The following ZNF543 variants were observed in gnomAD, a reference collection of about 807,000 sequenced individuals.
ZNF543 encodes the protein zinc finger protein 543.
Under a neutral mutation model 13.4 loss-of-function variants are expected in ZNF543, and 10 were observed. That is an observed-to-expected ratio of 0.75 (90% confidence interval 0.46 to 1.26). ZNF543 has a LOEUF of 1.26. Among genes scored for constraint, ZNF543 ranks in the 50% most tolerant of loss-of-function variants. ZNF543 has a pLI of 0.00. For missense variants in ZNF543, 768 were observed against 741.2 expected (o/e 1.04, Z -0.42); for synonymous variants, 272 against 264.7 (o/e 1.03, Z -0.27).
chr19:57,323,884 C>G, intron 2 of ZNF543, 76 bp downstream of exon 2: 1 of 1,546,088 alleles, frequency 6.5e-7, no homozygotes, highest in South Asian at 1.2e-5. Flanking sequence ...CTCCACAGCC[C>G]ACTTGTTCTG....
Position 57,327,827 on chromosome 19 carries a change from AG to A in ZNF543, c.367del (p.Asp123IlefsTer13). On this transcript the variant is annotated frameshift_variant, in exon 4 of 4. Transcript: ENST00000321545. LOFTEE classifies it low-confidence loss of function (END_TRUNC). ...ASKNSQLGQS[K>X]DQDGPSEMQE... ...AAGAACTCCCAATTAGGGCAATCCA[AG>A]GATCAGGATGGGCCATCTGAAATGC... The A allele has an allele frequency of 8.7e-6, 14 of 1,614,136 alleles. No individual in the cohort carries two copies. Among genetic ancestry groups the A allele is most frequent in the Non-Finnish European group, 1.2e-5 (14 of 1,180,026 alleles).
chr19:57,323,472 G>C, intron 1 of ZNF543: 6 of 551,546 alleles, frequency 1.1e-5, no homozygotes. Flanking sequence ...GATTACAGGC[G>C]TGAGCCACCG....
At chr19:57,323,548 A>T in intron 1 of ZNF543, 134 bp from the exon 2 acceptor site, 1 of 1,178,502 alleles carries the variant, frequency 8.5e-7, no homozygotes, top group South Asian at 1.2e-5. Flanking sequence ...CCTGGCACAG[A>T]TCATGGCCCT....
intron 1 of ZNF543, among the ~76,000 whole-genome samples, chr19:57,321,894 T>TA (rs916990314): frequency 8.7e-5 from 13 of 150,086 alleles, no homozygotes; most frequent in Non-Finnish European, 1.3e-4. Flanking sequence ...CTGTGTGGAC[T>TA]AAAAAAAAAT....
intron 1 of ZNF543, among the ~76,000 whole-genome samples, chr19:57,321,811 T>C (rs1321517176): frequency 6.6e-6 from 1 of 152,174 alleles, no homozygotes. Context: ...AAGTAAACTT[T>C]GCAAGTTGAG....
In ZNF543 at chr19:57,326,544, T is replaced by A. The variant is rs535021898; in HGVS notation, c.146-89T>A. 175 of 956,660 alleles carry A rather than the reference T, an allele frequency of 1.8e-4. 2 individuals carry two copies. The South Asian group carries it at 2.3e-3, about 12-fold the overall frequency. 59.3% of individuals were successfully genotyped at this position (956,660 alleles called of 1,614,324 possible). A position where few individuals can be genotyped will look rare whatever the true frequency, so the allele number is the denominator to read the frequency against. On this transcript the variant is annotated intron_variant, in intron 2 of 3. Coordinates refer to ENST00000321545, the MANE Select transcript of ZNF543 (RefSeq NM_213598.4). ...GGCTGAGAATAGCTTCACTTCATGG[T>A]CTTCCCCATCCTGCAGTCCCAGATC...
chr19:57,320,674 C>A lies in ZNF543; in HGVS notation c.-180C>A. 1.5e-6 allele frequency: 1 copy of A among 680,928 alleles called. No homozygotes were observed. The highest frequency in any genetic ancestry group is 1.9e-5 in the African/African-American group (1 of 53,202). 42.2% of individuals were successfully genotyped at this position (680,928 alleles called of 1,614,324 possible). A position where few individuals can be genotyped will look rare whatever the true frequency, so the allele number is the denominator to read the frequency against. On this transcript the variant is annotated 5_prime_UTR_variant, in exon 1 of 4. Coordinates refer to ENST00000321545, the MANE Select transcript of ZNF543 (RefSeq NM_213598.4). Reference sequence around the variant, plus strand: ...GCGCCTGCCGAGGCCTAGGCCTCCGCAGCCGCCCTCCGTCTCCTCAGCCCC... The same window carrying A: ...GCGCCTGCCGAGGCCTAGGCCTCCGAAGCCGCCCTCCGTCTCCTCAGCCCC...
chr19:57,323,532 C>A, intron 1 of ZNF543, 150 bp from the exon 2 acceptor site: 1 of 1,050,280 alleles, frequency 9.5e-7, no homozygotes, highest in Non-Finnish European at 1.4e-6. Flanking sequence ...CCACATTCCC[C>A]TCATGCCTGG....
chr19:57,327,982 A>T lies in ZNF543; in HGVS notation c.520A>T (p.Thr174Ser). 1.2e-6 allele frequency: 2 copies of T among 1,614,204 alleles called. No homozygotes were observed. The highest frequency in any genetic ancestry group is 8.5e-7 in the Non-Finnish European group (1 of 1,180,050). ...AAAGATTACACAGAAACAAGTTTCA[A>T]CAGAAGGTGATCTCTATGAATGTGA... The part of the protein sequence containing the change: ...CTKITQKQVS[T>S]EGDLYECDSH... Residue 174 changes from threonine (T) to serine (S), a missense_variant, in exon 4 of 4, where the codon ACA becomes TCA. Thr to Ser is a moderately conservative substitution (Grantham distance 58). This residue lies in a region of ZNF543 where 677 missense variants were observed against 631.4 expected (regional missense o/e 1.07). Transcript: ENST00000321545.
At chr19:57,322,186 A>C (rs1221100018) in intron 1 of ZNF543, among the ~76,000 whole-genome samples, 1 of 152,178 alleles carries the variant, frequency 6.6e-6, no homozygotes, top group Non-Finnish European at 1.5e-5. Context: ...AGGAAAAGGT[A>C]GTGATAGCTC....
In ZNF543 at chr19:57,328,398, G is replaced by C; in HGVS notation, c.936G>C (p.Val312=). The C allele has an allele frequency of 6.2e-7, 1 of 1,612,026 alleles. No individual in the cohort carries two copies. The highest frequency in any genetic ancestry group is 8.5e-7 in the Non-Finnish European group (1 of 1,179,476). The change falls in exon 4 of 4, where the codon GTG becomes GTC. Residue 312 remains valine, a synonymous_variant. Transcript: ENST00000321545. Reference sequence around the variant, plus strand: ...GCCACACTGGAGAAAAACCCTTTGTGTGCAAAGAGTGTGGCAAAGCCTTTC... The same window carrying C: ...GCCACACTGGAGAAAAACCCTTTGTCTGCAAAGAGTGTGGCAAAGCCTTTC... ...HRSHTGEKPF[V]CKECGKAFRD...
At chr19:57,321,152 TC>T (rs2088087758) in intron 1 of ZNF543, among the ~76,000 whole-genome samples, 1 of 152,104 alleles carries the variant, frequency 6.6e-6, no homozygotes, top group South Asian at 2.1e-4. Flanking sequence ...CCCTACCCCA[TC>T]CACCTGGCCA....
Position 57,328,203 on chromosome 19 carries a change from C to G in ZNF543, c.741C>G (p.Ile247Met). The change falls in exon 4 of 4, where the codon ATC becomes ATG. Residue 247 changes from isoleucine (I) to methionine (M), a missense_variant. Around this residue, in one of 3 missense-constraint regions of ZNF543, gnomAD observed 677 missense variants for 631.4 expected, o/e 1.07. Coordinates refer to ENST00000321545, the MANE Select transcript of ZNF543 (RefSeq NM_213598.4). ...GCACTCATCTTCTTCAGCACCTCAT[C>G]ATCCACACTGGGGAGAAGCCCTATA... ...SKSTHLLQHLIIHTGEKPYKC... is the reference protein window; with the variant it reads ...SKSTHLLQHLMIHTGEKPYKC... 1 of 1,613,278 alleles carries G rather than the reference C, an allele frequency of 6.2e-7. No individual in the cohort carries two copies. The highest frequency in any genetic ancestry group is 8.5e-7 in the Non-Finnish European group (1 of 1,179,312).
At chr19:57,321,740 G>A (rs1173389950) in intron 1 of ZNF543, among the ~76,000 whole-genome samples, 1 of 152,166 alleles carries the variant, frequency 6.6e-6, no homozygotes, top group Non-Finnish European at 1.5e-5. Context: ...TACCATCACA[G>A]CCTGTGTTTT....
intron 1 of ZNF543, among the ~76,000 whole-genome samples, chr19:57,321,146 A>G (rs1485667749): frequency 1.3e-5 from 2 of 151,776 alleles, no homozygotes; most frequent in Non-Finnish European, 2.9e-5. Context: ...GCCAGCCCCT[A>G]CCCCATCCAC....
intron 2 of ZNF543, among the ~76,000 whole-genome samples, chr19:57,324,354 G>GAA (rs56924099): frequency 4.9e-5 from 5 of 101,774 alleles, no homozygotes; most frequent in Admixed American, 1.2e-4. Context: ...GACTCCGTCT[G>GAA]AAAAAAAAAA....
chr19:57,322,389 C>G (rs991580273), intron 1 of ZNF543, among the ~76,000 whole-genome samples: 7 of 150,592 alleles, frequency 4.6e-5, no homozygotes, highest in African/African-American at 1.7e-4. Flanking sequence ...AACCCCAGCA[C>G]AGTGGCATGT....
At chr19:57,324,676 T>C (rs1021904166) in intron 2 of ZNF543, among the ~76,000 whole-genome samples, 10 of 152,248 alleles carry the variant, frequency 6.6e-5, no homozygotes, top group African/African-American at 2.4e-4. Context: ...TTTATCTGCC[T>C]GAGCCTCGAT....
chr19:57,327,903 G>A lies in ZNF543; in HGVS notation c.441G>A (p.Leu147=). The change falls in exon 4 of 4, where the codon CTG becomes CTA. Residue 147 remains leucine, a synonymous_variant. Coordinates refer to ENST00000321545, the MANE Select transcript of ZNF543 (RefSeq NM_213598.4). ...IGIGPQRGKL[L]EKMSSERDGL... The stretch of plus-strand genomic sequence containing the variant: ...TAGGCCCCCAGCGGGGGAAGCTGCT[G>A]GAGAAAATGAGTTCTGAACGTGATG... The A allele has an allele frequency of 6.2e-7, 1 of 1,614,156 alleles. No individual in the cohort carries two copies. The highest frequency in any genetic ancestry group is 1.1e-5 in the South Asian group (1 of 91,086).
Sources: allele counts gnomAD v4.1 joint callset (sites outside exome capture counted in the v4.1 genomes callset), GRCh38; gene constraint gnomAD v4.1.1; regional missense constraint gnomAD v4.1.1; transcripts MANE v1.5; gene names NCBI Gene and HGNC (gene_info 2026-07-23, HGNC 2026-07-21).